Variants in PARN observed in about 807,000 individuals in gnomAD.
PARN encodes the protein poly(A)-specific ribonuclease PARN.
A neutral mutation model predicts 102.8 loss-of-function variants in PARN; 71 were observed. The observed-to-expected ratio is 0.69, with a 90% CI of 0.57 to 0.84. The LOEUF (loss-of-function observed/expected upper bound fraction) is 0.84. Ranked by LOEUF, PARN falls within the 40% of genes least tolerant of loss-of-function variation. PARN has a pLI of 0.00. For missense variants in PARN, 782 were observed against 760.9 expected (o/e 1.03, Z -0.33); for synonymous variants, 261 against 252.9 (o/e 1.03, Z -0.30).
intron 6 of PARN, among the ~76,000 whole-genome samples, chr16:14,616,092 C>A (rs1971884466): frequency 6.6e-6 from 1 of 151,996 alleles, no homozygotes; most frequent in South Asian, 2.1e-4. Context: ...GGAAAAAAAA[C>A]AAAATTTATG....
intron 21 of PARN, among the ~76,000 whole-genome samples, chr16:14,517,240 C>A (rs1480397563): frequency 6.6e-6 from 1 of 152,202 alleles, no homozygotes; most frequent in Non-Finnish European, 1.5e-5. Context: ...ATGAGACCTG[C>A]TTTGGCTGAA....
Position 14,527,489 on chromosome 16 carries a change from C to T in PARN, c.1480+24532G>A, listed in dbSNP as rs193016286. Among the ~76,000 whole-genome samples, 91 of 152,180 alleles carry T rather than the reference C, an allele frequency of 6.0e-4. No homozygotes were observed. In the South Asian group the frequency reaches 9.8e-3, roughly 16 times the overall value. ...TCTGTCATAATTTTTTTCTTTTTGA[C>T]GTCATGAAAGCTGAATTAGCAAATG... On this transcript the variant is annotated intron_variant, in intron 21 of 23. Transcript: ENST00000437198.
At chr16:14,569,767 G>T (rs1968674146) in intron 18 of PARN, among the ~76,000 whole-genome samples, 2 of 152,294 alleles carry the variant, frequency 1.3e-5, no homozygotes, top group African/African-American at 4.8e-5. Context: ...CAGGAGCTGA[G>T]GGGAGGCAGA....
intron 22 of PARN, among the ~76,000 whole-genome samples, chr16:14,481,460 G>A (rs1963377148): frequency 6.6e-6 from 1 of 152,198 alleles, no homozygotes; most frequent in African/African-American, 2.4e-5. Context: ...TTAGGGTCAT[G>A]GGAATTGTAG....
chr16:14,602,761 T>G (rs531672541), intron 11 of PARN, among the ~76,000 whole-genome samples: 1 of 152,128 alleles, frequency 6.6e-6, no homozygotes. Context: ...GAGGCTGTCA[T>G]GAAACAGTTC....
intron 22 of PARN, among the ~76,000 whole-genome samples, chr16:14,447,678 G>C (rs1479566823): frequency 6.6e-6 from 1 of 152,154 alleles, no homozygotes; most frequent in Non-Finnish European, 1.5e-5. Flanking sequence ...AATTAAATCA[G>C]ATTATGTGTC....
At chr16:14,501,457 A>AC (rs1555487871) in intron 21 of PARN, 1 of 143,696 alleles carries the variant, frequency 7.0e-6, no homozygotes, top group African/African-American at 2.5e-5. Context: ...AAAAAAAAAA[A>AC]AAACAGAAAG....
At chr16:14,566,238 A>G (rs1367775604) in intron 18 of PARN, among the ~76,000 whole-genome samples, 4 of 152,172 alleles carry the variant, frequency 2.6e-5, no homozygotes, top group Non-Finnish European at 5.9e-5. Flanking sequence ...GGGATTGATG[A>G]TATTATCTGG....
At chr16:14,545,922 T>C (rs1184597141) in intron 21 of PARN, among the ~76,000 whole-genome samples, 2 of 149,176 alleles carry the variant, frequency 1.3e-5, no homozygotes, top group Non-Finnish European at 3.0e-5. Flanking sequence ...CTCAAGAAAC[T>C]GAGAAAAGAA....
rs1596412978 is a variant in PARN, at chr16:14,435,779, T to C, written c.*938A>G. 1 of 152,094 alleles carries C rather than the reference T, an allele frequency of 6.6e-6. No homozygotes were observed. The highest frequency in any genetic ancestry group is 2.1e-4 in the South Asian group (1 of 4,822). 9.4% of individuals were successfully genotyped at this position (152,094 alleles called of 1,614,324 possible). On this transcript the variant is annotated 3_prime_UTR_variant, in exon 24 of 24. Transcript: ENST00000437198. ...ATTTCCACCATACAAAAATGTGAAA[T>C]ATCTAACAATGATCTATCTGAAGCG...
chr16:14,608,340 G>GTAT, intron 8 of PARN, 21 bp from the exon 9 acceptor site: 1 of 1,492,936 alleles, frequency 6.7e-7, no homozygotes, highest in South Asian at 1.2e-5. Flanking sequence ...AAAAGAAAAG[G>GTAT]TATTGATTTT....
chr16:14,588,189 T>C (rs533657215), intron 13 of PARN, among the ~76,000 whole-genome samples: 3 of 152,108 alleles, frequency 2.0e-5, no homozygotes, highest in Admixed American at 6.5e-5. Context: ...ACAACAAACA[T>C]TGAGAACAAC....
chr16:14,509,333 A>G (rs1215983564), intron 21 of PARN, among the ~76,000 whole-genome samples: 1 of 152,224 alleles, frequency 6.6e-6, no homozygotes, highest in East Asian at 1.9e-4. Context: ...TGGCTCACAG[A>G]AAGAACAAAC....
Position 14,580,916 on chromosome 16 carries a change from T to C in PARN, c.1220A>G (p.His407Arg). ...AATGAGTTTTGATCTGGCAGACACA[T>C]GAATTTTTGGAGGGCTGAGAAAAGA... ...LGSFLSPPKI[H>R]VSARSKLIEP... The change falls in exon 18 of 24, where the codon CAT becomes CGT. Residue 407 changes from histidine to arginine, a missense_variant. Transcript: ENST00000437198. 2 of 1,610,056 alleles carry C rather than the reference T, an allele frequency of 1.2e-6. No homozygotes were observed. The highest frequency in any genetic ancestry group is 1.7e-6 in the Non-Finnish European group (2 of 1,176,460).
chr16:14,554,230 T>C (rs1967513572), intron 19 of PARN, 79 bp from the exon 20 acceptor site: 1 of 919,068 alleles, frequency 1.1e-6, no homozygotes, highest in Non-Finnish European at 1.7e-6. Flanking sequence ...TGAAACTAAG[T>C]CTGAGCTAAT....
chr16:14,475,424 A>G (rs1962987781), intron 22 of PARN, among the ~76,000 whole-genome samples: 1 of 152,200 alleles, frequency 6.6e-6, no homozygotes, highest in Non-Finnish European at 1.5e-5. Context: ...CAGATCCCAC[A>G]CCACCAAACC....
intron 22 of PARN, among the ~76,000 whole-genome samples, chr16:14,452,409 G>A (rs907023738): frequency 3.3e-5 from 5 of 152,194 alleles, no homozygotes; most frequent in African/African-American, 9.6e-5. Context: ...GTCTTGCTCC[G>A]TTGCTCAGGC....
At chr16:14,521,373 C>T (rs892479155) in intron 21 of PARN, among the ~76,000 whole-genome samples, 2 of 152,166 alleles carry the variant, frequency 1.3e-5, no homozygotes, top group Non-Finnish European at 2.9e-5. Context: ...TCCTCCAGCC[C>T]GGCAAATCTC....
At chr16:14,457,629 C>T (rs1203330197) in intron 22 of PARN, among the ~76,000 whole-genome samples, 1 of 151,424 alleles carries the variant, frequency 6.6e-6, no homozygotes, top group East Asian at 1.9e-4. Context: ...GAAACCTCGT[C>T]TCTACTAAAC....
Sources: allele counts gnomAD v4.1 joint callset (sites outside exome capture counted in the v4.1 genomes callset), GRCh38; gene constraint gnomAD v4.1.1; transcripts MANE v1.5; gene names NCBI Gene and HGNC (gene_info 2026-07-23, HGNC 2026-07-21).